The following TPRG1 variants were observed in gnomAD, a reference collection of about 807,000 sequenced individuals.
TPRG1 encodes tumor protein p63-regulated gene 1 protein.
Under a neutral mutation model 29.3 loss-of-function variants are expected in TPRG1, and 29 were observed. That is an observed-to-expected ratio of 0.99 (90% CI 0.74 to 1.35). The LOEUF (loss-of-function observed/expected upper bound fraction) is 1.35. Among genes scored for constraint, TPRG1 ranks in the 40% most tolerant of loss-of-function variants. The pLI is 0.00. For missense variants in TPRG1, 327 were observed against 335.0 expected (o/e 0.98, Z 0.19); for synonymous variants, 130 against 116.8 (o/e 1.11, Z -0.73).
intron 2 of TPRG1, among the ~76,000 whole-genome samples, chr3:189,131,913 T>C (rs935577390): frequency 1.3e-5 from 2 of 152,180 alleles, no homozygotes; most frequent in African/African-American, 4.8e-5. Context: ...TTAATTTCTG[T>C]CTCAAGCTAT....
intron 1 of TPRG1, among the ~76,000 whole-genome samples, chr3:189,201,092 A>G (rs531275603): frequency 2.6e-5 from 4 of 152,292 alleles, no homozygotes; most frequent in African/African-American, 9.6e-5. Flanking sequence ...CGCACCAGAC[A>G]CCGATGTGCT....
intron 4 of TPRG1, among the ~76,000 whole-genome samples, chr3:189,304,139 C>T (rs2109281581): frequency 6.7e-6 from 1 of 148,948 alleles, no homozygotes; most frequent in South Asian, 2.1e-4. Flanking sequence ...TTTGTCTAAC[C>T]AGCATAACAC....
chr3:189,142,462 G>T lies in TPRG1; in HGVS notation c.-290-5122G>T, dbSNP rs373426257. 2.7e-4 allele frequency among the ~76,000 whole-genome samples: 41 copies of T among 152,258 alleles called. No individual in the cohort carries two copies. In the East Asian group the frequency reaches 2.7e-3, roughly 10 times the overall value. On this transcript the variant is annotated intron_variant, in intron 3 of 6. Coordinates refer to the TPRG1 transcript ENST00000412373. ...CCTACCCCCTGCCCCCATTTTCAAC[G>T]ATGGGTGGTTCAGTTAAATTCTATC...
chr3:189,044,521 C>T (rs979321408), intron 4 of TPRG1, among the ~76,000 whole-genome samples: 3 of 150,794 alleles, frequency 2.0e-5, no homozygotes, highest in African/African-American at 7.4e-5. Context: ...CGCCATTGCA[C>T]TCCAGCCTGG....
intron 1 of TPRG1, among the ~76,000 whole-genome samples, chr3:189,179,309 G>A (rs1428038126): frequency 6.6e-6 from 1 of 152,178 alleles, no homozygotes; most frequent in Non-Finnish European, 1.5e-5. Context: ...GATCCAGAAT[G>A]GAAAGCTTTG....
chr3:189,195,580 G>A (rs4025722), intron 1 of TPRG1, among the ~76,000 whole-genome samples: 54,319 of 152,062 alleles, frequency 0.36, 9,865 homozygotes, highest in South Asian at 0.52. Context: ...CAGTAGCCGT[G>A]TGGGCCACAG....
At chr3:189,012,580 T>C (rs1366927632) in intron 3 of TPRG1, among the ~76,000 whole-genome samples, 1 of 152,130 alleles carries the variant, frequency 6.6e-6, no homozygotes, top group Non-Finnish European at 1.5e-5. Flanking sequence ...ATACCAGCTC[T>C]TCTTTGTACA....
At chr3:189,117,546 G>C (rs1479536615) in intron 1 of TPRG1, among the ~76,000 whole-genome samples, 1 of 152,200 alleles carries the variant, frequency 6.6e-6, no homozygotes, top group Non-Finnish European at 1.5e-5. Context: ...ACATGGTTTT[G>C]CTGTGTCCTC....
intron 4 of TPRG1, among the ~76,000 whole-genome samples, chr3:189,279,215 C>A (rs1299694875): frequency 6.6e-6 from 1 of 151,984 alleles, no homozygotes; most frequent in African/African-American, 2.4e-5. Flanking sequence ...GCCAGCAGAT[C>A]CTAGTTTGCC....
At chr3:189,085,871 C>T (rs1245347900) in intron 4 of TPRG1, among the ~76,000 whole-genome samples, 1 of 152,102 alleles carries the variant, frequency 6.6e-6, no homozygotes, top group East Asian at 1.9e-4. Flanking sequence ...AAATAAGAGT[C>T]ATAAAATCAT....
chr3:189,055,373 G>A (rs188995631), intron 4 of TPRG1, among the ~76,000 whole-genome samples: 101 of 152,278 alleles, frequency 6.6e-4, no homozygotes, highest in African/African-American at 2.3e-3. Context: ...GAGTAATAGC[G>A]AAGTGGAACC....
chr3:189,132,347 G>A (rs771113838), intron 2 of TPRG1: 1 of 152,188 alleles, frequency 6.6e-6, no homozygotes, highest in Non-Finnish European at 1.5e-5. Flanking sequence ...CTATTCCTGG[G>A]CGTTAGCTGA....
At chr3:189,057,856 ACACACATACG>A (rs1157775807) in intron 4 of TPRG1, among the ~76,000 whole-genome samples, 92 of 111,572 alleles carry the variant, frequency 8.2e-4, no homozygotes, top group East Asian at 3.5e-3. Flanking sequence ...GTATATATAT[ACACACATACG>A]TATGTGTGTA....
intron 2 of TPRG1, among the ~76,000 whole-genome samples, chr3:189,001,838 T>C (rs1024861791): frequency 6.6e-6 from 1 of 152,182 alleles, no homozygotes; most frequent in Admixed American, 6.6e-5. Flanking sequence ...TGACCCTTTC[T>C]GAGTGTGAGG....
intron 1 of TPRG1, among the ~76,000 whole-genome samples, chr3:189,124,579 CAT>C (rs1268143726): frequency 2.6e-5 from 4 of 151,428 alleles, no homozygotes; most frequent in Non-Finnish European, 4.4e-5. Flanking sequence ...CACACACACA[CAT>C]ACGTGTACAT....
intron 4 of TPRG1, among the ~76,000 whole-genome samples, chr3:189,304,148 A>G (rs536447004): frequency 6.7e-6 from 1 of 149,160 alleles, no homozygotes; most frequent in South Asian, 2.1e-4. Context: ...CCAGCATAAC[A>G]CAAATTATTC....
At chr3:188,999,515 C>T (rs868269831) in intron 1 of TPRG1, among the ~76,000 whole-genome samples, 12 of 152,096 alleles carry the variant, frequency 7.9e-5, no homozygotes, top group South Asian at 2.1e-4. Flanking sequence ...TGCTTAACTG[C>T]GTAATTCCAT....
At chr3:189,246,329 C>A (rs1741382853) in intron 4 of TPRG1, among the ~76,000 whole-genome samples, 2 of 152,124 alleles carry the variant, frequency 1.3e-5, no homozygotes, top group African/African-American at 4.8e-5. Flanking sequence ...ATTACCTAGT[C>A]TTGGGTATTT....
At chr3:189,109,883 A>T (rs1222341514) in intron 1 of TPRG1, among the ~76,000 whole-genome samples, 2 of 152,168 alleles carry the variant, frequency 1.3e-5, no homozygotes, top group African/African-American at 4.8e-5. Context: ...CCCCTTTTGC[A>T]AGAATGTCAG....
Sources: allele counts gnomAD v4.1 joint callset (sites outside exome capture counted in the v4.1 genomes callset), GRCh38; gene constraint gnomAD v4.1.1; transcripts MANE v1.5; gene names NCBI Gene and HGNC (gene_info 2026-07-23, HGNC 2026-07-21).